The following UBE2J1 variants were observed in gnomAD, a reference collection of about 807,000 sequenced individuals.
UBE2J1 encodes the protein ubiquitin-conjugating enzyme E2 J1.
Under a neutral mutation model 42.1 loss-of-function variants are expected in UBE2J1, and 17 were observed. The ratio of observed to expected loss-of-function variants is 0.40; its 90% CI spans 0.28 to 0.61. The LOEUF (loss-of-function observed/expected upper bound fraction) is 0.61. Among genes scored for constraint, UBE2J1 ranks in the 20% least tolerant of loss-of-function variants. The pLI, the probability that UBE2J1 is intolerant of heterozygous loss-of-function variation, is 0.38. For missense variants in UBE2J1, 291 were observed against 389.4 expected, an observed-to-expected ratio of 0.75 and a Z score of 2.13; for synonymous variants, 127 against 137.2, an observed-to-expected ratio of 0.93 and a Z score of 0.52.
intron 1 of UBE2J1, among the ~76,000 whole-genome samples, chr6:89,344,717 C>T (rs913816749): frequency 6.6e-6 from 1 of 152,230 alleles, no homozygotes; most frequent in Non-Finnish European, 1.5e-5. Context: ...TTCCAGCCTA[C>T]TCTTTCCACC....
Position 89,329,561 on chromosome 6 carries a change from A to G in UBE2J1, c.*118T>C. 1 of 1,150,268 alleles carries G rather than the reference A, an allele frequency of 8.7e-7. No individual in the cohort carries two copies. Among genetic ancestry groups the G allele is most frequent in the Non-Finnish European group, 1.2e-6 (1 of 807,530 alleles). The allele number at this position is 1,150,268 out of a possible 1,614,324, so 71.3% of individuals were successfully genotyped here. A position where few individuals can be genotyped will look rare whatever the true frequency, so the allele number is the denominator to read the frequency against. ...ATTTATACTAAACTTACAAGGATCAAAAAAAGGAATGAAGGGTAAATACAA... is the reference window on the plus strand; with the variant it reads ...ATTTATACTAAACTTACAAGGATCAGAAAAAGGAATGAAGGGTAAATACAA... On this transcript the variant is annotated 3_prime_UTR_variant, in exon 8 of 8. Transcript: ENST00000435041.
intron 1 of UBE2J1, 76 bp from the exon 2 acceptor site, chr6:89,343,832 T>C: frequency 1.7e-6 from 2 of 1,150,468 alleles, no homozygotes; most frequent in Middle Eastern, 2.9e-4. Context: ...ACGAGCCTAA[T>C]GAAAAAATGT....
chr6:89,327,040 A>C lies in UBE2J1; in HGVS notation c.*2639T>G, dbSNP rs929615655. On this transcript the variant is annotated 3_prime_UTR_variant, in exon 8 of 8. Coordinates refer to ENST00000435041, the MANE Select transcript of UBE2J1 (RefSeq NM_016021.3). ...AGTCAAAACAATAAACAATTTTTGAAATTAAAAAAGTTGAGAATCTTGAAA... is the reference window on the plus strand; with the variant it reads ...AGTCAAAACAATAAACAATTTTTGACATTAAAAAAGTTGAGAATCTTGAAA... The C allele has an allele frequency of 7.9e-5, 12 of 152,666 alleles. No individual in the cohort carries two copies. Among genetic ancestry groups the C allele is most frequent in the Non-Finnish European group, 1.5e-4 (10 of 68,040 alleles). The allele number at this position is 152,666 out of a possible 1,614,324, so 9.5% of individuals were successfully genotyped here.
In UBE2J1 at chr6:89,343,706, G is replaced by C; in HGVS notation, c.82C>G (p.His28Asp). 6.2e-7 allele frequency: 1 copy of C among 1,609,486 alleles called. No individual in the cohort carries two copies. Among genetic ancestry groups the C allele is most frequent in the Non-Finnish European group, 8.5e-7 (1 of 1,178,042 alleles). Residue 28 changes from histidine to aspartate, a missense_variant, in exon 2 of 8, where the codon CAT becomes GAT. Coordinates refer to ENST00000435041, the MANE Select transcript of UBE2J1 (RefSeq NM_016021.3). The stretch of plus-strand genomic sequence containing the variant: ...ACCTCTAAAGGCTGCGCATGGTAAT[G>C]ATCTGTTGGATCTTTCAATTCTGCC... The part of the protein sequence containing the change: ...EAAELKDPTD[H>D]YHAQPLEDNL...
intron 1 of UBE2J1, among the ~76,000 whole-genome samples, chr6:89,346,928 G>A (rs1768375311): frequency 6.6e-6 from 1 of 152,134 alleles, no homozygotes; most frequent in Non-Finnish European, 1.5e-5. Flanking sequence ...TCTCCTCAGG[G>A]CTTAGCACAT....
intron 7 of UBE2J1, among the ~76,000 whole-genome samples, chr6:89,330,698 A>C (rs1767993256): frequency 6.6e-6 from 1 of 152,058 alleles, no homozygotes; most frequent in African/African-American, 2.4e-5. Context: ...TGGGAGGTTA[A>C]GGCAAGAGGA....
chr6:89,351,328 G>A (rs1768476485), intron 1 of UBE2J1, among the ~76,000 whole-genome samples: 1 of 151,884 alleles, frequency 6.6e-6, no homozygotes, highest in African/African-American at 2.4e-5. Context: ...GCCTCCCAAA[G>A]TGCTGGGATT....
chr6:89,335,817 T>C (rs1239009169), intron 5 of UBE2J1, among the ~76,000 whole-genome samples: 3 of 151,818 alleles, frequency 2.0e-5, no homozygotes, highest in African/African-American at 7.3e-5. Context: ...GAAATATATA[T>C]AAAGCAGTAA....
chr6:89,345,972 C>CCT (rs796701411), intron 1 of UBE2J1, among the ~76,000 whole-genome samples: 1 of 151,678 alleles, frequency 6.6e-6, no homozygotes, highest in South Asian at 2.1e-4. Context: ...CTCACTGAAG[C>CCT]CTCAACCTCC....
At chr6:89,344,368 G>A (rs911909376) in intron 1 of UBE2J1, among the ~76,000 whole-genome samples, 8 of 152,176 alleles carry the variant, frequency 5.3e-5, no homozygotes, top group East Asian at 1.9e-4. Flanking sequence ...CCAAAGCCCC[G>A]ATGAAATTCC....
At chr6:89,342,804 T>A (rs918047495) in intron 2 of UBE2J1, among the ~76,000 whole-genome samples, 1 of 152,172 alleles carries the variant, frequency 6.6e-6, no homozygotes, top group African/African-American at 2.4e-5. Flanking sequence ...AAAATTACTA[T>A]GTTTGGGTTA....
intron 4 of UBE2J1, 57 bp from the exon 5 acceptor site, chr6:89,338,367 T>C (rs568439713): frequency 1.7e-5 from 27 of 1,583,400 alleles, no homozygotes; most frequent in African/African-American, 2.7e-5. Context: ...ACTGGGTTTA[T>C]TCTGGAAAAA....
chr6:89,338,869 G>T (rs1013073217), intron 3 of UBE2J1, among the ~76,000 whole-genome samples: 10 of 151,826 alleles, frequency 6.6e-5, no homozygotes, highest in African/African-American at 9.7e-5. Context: ...GTTTCACCGT[G>T]TTAGCCAGGA....
At chr6:89,345,821 C>T (rs929448212) in intron 1 of UBE2J1, among the ~76,000 whole-genome samples, 3 of 151,412 alleles carry the variant, frequency 2.0e-5, no homozygotes, top group African/African-American at 4.9e-5. Context: ...GCAGGAGAAT[C>T]GCTTAAACCC....
chr6:89,338,861 T>C (rs993247420), intron 3 of UBE2J1, among the ~76,000 whole-genome samples: 1 of 151,872 alleles, frequency 6.6e-6, no homozygotes, highest in Non-Finnish European at 1.5e-5. Flanking sequence ...GAGACGGGGT[T>C]TCACCGTGTT....
rs1336358923 is a variant in UBE2J1, at chr6:89,327,831, G to A, written c.*1848C>T. ...CAATCTCAGCAGAGGTTGAGGTGGT[G>A]GGGATTTCTTTCTTCTCATATGACG... On this transcript the variant is annotated 3_prime_UTR_variant, in exon 8 of 8. Coordinates refer to ENST00000435041, the MANE Select transcript of UBE2J1 (RefSeq NM_016021.3). 1 of 152,174 alleles carries A rather than the reference G, an allele frequency of 6.6e-6. No individual in the cohort carries two copies. Among genetic ancestry groups the A allele is most frequent in the Admixed American group, 6.5e-5 (1 of 15,278 alleles). 9.4% of individuals were successfully genotyped at this position (152,174 alleles called of 1,614,324 possible).
chr6:89,345,669 A>G (rs1306086766), intron 1 of UBE2J1, among the ~76,000 whole-genome samples: 28 of 152,052 alleles, frequency 1.8e-4, no homozygotes, highest in Non-Finnish European at 5.9e-5. Flanking sequence ...GCACTTTGGG[A>G]GGCCGAGGCA....
intron 1 of UBE2J1, among the ~76,000 whole-genome samples, chr6:89,347,343 T>A (rs1394511905): frequency 6.6e-6 from 1 of 152,244 alleles, no homozygotes; most frequent in African/African-American, 2.4e-5. Context: ...AAGATTGTTT[T>A]TCCTTCATTC....
intron 1 of UBE2J1, among the ~76,000 whole-genome samples, chr6:89,345,894 C>T (rs1328803814): frequency 1.4e-5 from 2 of 141,386 alleles, no homozygotes; most frequent in African/African-American, 5.5e-5. Flanking sequence ...GCAACAAGAG[C>T]GAAACTACGT....
Sources: allele counts gnomAD v4.1 joint callset (sites outside exome capture counted in the v4.1 genomes callset), GRCh38; gene constraint gnomAD v4.1.1; transcripts MANE v1.5; gene names NCBI Gene and HGNC (gene_info 2026-07-23, HGNC 2026-07-21).